Variants in MEGF9 observed in about 807,000 individuals in gnomAD.
The protein encoded by MEGF9 is multiple EGF like domains 9.
Under a neutral mutation model 46.8 loss-of-function variants are expected in MEGF9, and 6 were observed. The ratio of observed to expected loss-of-function variants is 0.13; its 90% CI spans 0.07 to 0.25. MEGF9 has a LOEUF of 0.25. Among genes scored for constraint, MEGF9 ranks in the 10% least tolerant of loss-of-function variants. The pLI is 1.00. For missense variants in MEGF9, 683 were observed against 792.4 expected, an observed-to-expected ratio of 0.86 and a Z score of 1.66; for synonymous variants, 302 against 330.7, an observed-to-expected ratio of 0.91 and a Z score of 0.94.
intron 1 of MEGF9, among the ~76,000 whole-genome samples, chr9:120,704,110 G>A (rs2043917954): frequency 6.6e-6 from 1 of 152,248 alleles, no homozygotes; most frequent in South Asian, 2.1e-4. Flanking sequence ...AAGGCGGGCG[G>A]ATCACTTGAG....
At chr9:120,625,826 T>G (rs1356086603) in intron 2 of MEGF9, among the ~76,000 whole-genome samples, 2 of 113,344 alleles carry the variant, frequency 1.8e-5, no homozygotes. Context: ...AGCAAGACTC[T>G]GTCTCACAAA....
At chr9:120,642,522 A>T (rs1420464647) in intron 2 of MEGF9, among the ~76,000 whole-genome samples, 1 of 152,218 alleles carries the variant, frequency 6.6e-6, no homozygotes, top group Non-Finnish European at 1.5e-5. Flanking sequence ...TTATGTGTAA[A>T]ACATCAAGAA....
chr9:120,628,405 G>T (rs951711033), intron 2 of MEGF9, among the ~76,000 whole-genome samples: 3 of 150,016 alleles, frequency 2.0e-5, no homozygotes, highest in Admixed American at 2.0e-4. Flanking sequence ...TTGTATTTTT[G>T]AGGGCAAATA....
intron 1 of MEGF9, among the ~76,000 whole-genome samples, chr9:120,666,533 A>G (rs1035050055): frequency 6.6e-6 from 1 of 152,238 alleles, no homozygotes; most frequent in Non-Finnish European, 1.5e-5. Context: ...AGGACTTTCA[A>G]AAATTACTGG....
intron 1 of MEGF9, among the ~76,000 whole-genome samples, chr9:120,670,469 AT>A (rs533696154): frequency 1.3e-5 from 2 of 152,214 alleles, no homozygotes; most frequent in African/African-American, 4.8e-5. Context: ...GAAAGTTACA[AT>A]ATAAAGACCT....
chr9:120,709,156 G>A (rs1354348544), intron 1 of MEGF9, among the ~76,000 whole-genome samples: 1 of 152,230 alleles, frequency 6.6e-6, no homozygotes, highest in Non-Finnish European at 1.5e-5. Flanking sequence ...GCCAGGCACA[G>A]TGGCTCATGC....
chr9:120,702,188 C>T (rs2043908656), intron 1 of MEGF9, among the ~76,000 whole-genome samples: 1 of 152,140 alleles, frequency 6.6e-6, no homozygotes, highest in South Asian at 2.1e-4. Flanking sequence ...TATGTCATTC[C>T]TACTGTATGT....
chr9:120,661,328 A>G (rs2043700657), intron 1 of MEGF9, among the ~76,000 whole-genome samples: 1 of 152,216 alleles, frequency 6.6e-6, no homozygotes, highest in Admixed American at 6.5e-5. Context: ...AGCCTGGGCA[A>G]CATAGTGAAA....
intron 1 of MEGF9, among the ~76,000 whole-genome samples, chr9:120,679,695 T>C (rs1587993436): frequency 6.6e-6 from 1 of 151,812 alleles, no homozygotes; most frequent in African/African-American, 2.4e-5. Flanking sequence ...CCCAGCACTA[T>C]GGGAGGCTGA....
chr9:120,682,492 T>C (rs2043802815), intron 1 of MEGF9, among the ~76,000 whole-genome samples: 1 of 152,188 alleles, frequency 6.6e-6, no homozygotes, highest in Non-Finnish European at 1.5e-5. Flanking sequence ...TGGTATAACC[T>C]AGGAACTATT....
At chr9:120,691,726 A>C (rs1320890507) in intron 1 of MEGF9, among the ~76,000 whole-genome samples, 2 of 152,154 alleles carry the variant, frequency 1.3e-5, no homozygotes, top group Non-Finnish European at 2.9e-5. Flanking sequence ...ACAGGGAGTA[A>C]GTGATGGAGC....
chr9:120,685,610 T>A (rs1028401037), intron 1 of MEGF9, among the ~76,000 whole-genome samples: 2 of 152,188 alleles, frequency 1.3e-5, no homozygotes, highest in African/African-American at 2.4e-5. Context: ...TTAAAAGCTA[T>A]CACCACAGTC....
At chr9:120,685,532 G>C (rs2043818070) in intron 1 of MEGF9, among the ~76,000 whole-genome samples, 1 of 152,080 alleles carries the variant, frequency 6.6e-6, no homozygotes, top group Admixed American at 6.6e-5. Context: ...TTCCACACTA[G>C]CAGAATTTGC....
At chr9:120,634,446 C>CATTTTTTTTTTTTTTT (rs2043564658) in intron 2 of MEGF9, among the ~76,000 whole-genome samples, 1 of 46,908 alleles carries the variant, frequency 2.1e-5, no homozygotes. Flanking sequence ...TGTGGAATAT[C>CATTTTTTTTTTTTTTT]TTTTTTTTTT....
chr9:120,682,703 G>A (rs767475198), intron 1 of MEGF9, among the ~76,000 whole-genome samples: 1 of 152,016 alleles, frequency 6.6e-6, no homozygotes, highest in Admixed American at 6.6e-5. Flanking sequence ...CTACCTCAGC[G>A]TCCCGAGTAG....
intron 4 of MEGF9, among the ~76,000 whole-genome samples, chr9:120,608,272 A>G (rs1444897319): frequency 1.3e-5 from 2 of 152,166 alleles, no homozygotes; most frequent in Admixed American, 6.5e-5. Flanking sequence ...CTAATAATCT[A>G]TAATCTATTT....
chr9:120,703,937 C>T (rs940898089), intron 1 of MEGF9, among the ~76,000 whole-genome samples: 1 of 151,226 alleles, frequency 6.6e-6, no homozygotes, highest in Non-Finnish European at 1.5e-5. Flanking sequence ...GGCACCACTG[C>T]ACTCCAGCCT....
At chr9:120,707,131 A>G (rs1271055222) in intron 1 of MEGF9, among the ~76,000 whole-genome samples, 1 of 152,212 alleles carries the variant, frequency 6.6e-6, no homozygotes, top group Admixed American at 6.5e-5. Context: ...ATAGTAACTA[A>G]CTTAGTAGTT....
At chr9:120,628,468 GTTTTTTTTT>G (rs1170322238) in intron 2 of MEGF9, among the ~76,000 whole-genome samples, 61 of 69,060 alleles carry the variant, frequency 8.8e-4, no homozygotes, top group African/African-American at 2.7e-3. Flanking sequence ...TCTTGTCGTT[GTTTTTTTTT>G]TTTTTTTTTT....
Sources: allele counts gnomAD v4.1 joint callset (sites outside exome capture counted in the v4.1 genomes callset), GRCh38; gene constraint gnomAD v4.1.1; transcripts MANE v1.5; gene names NCBI Gene and HGNC (gene_info 2026-07-23, HGNC 2026-07-21).